FBXL17: variants seen among roughly 807,000 people sequenced by gnomAD.
FBXL17 encodes F-box and leucine rich repeat protein 17.
FBXL17 carries 22 observed loss-of-function variants against 66.2 expected under a neutral mutation model. The observed-to-expected ratio is 0.33, with a 90% CI of 0.24 to 0.47. The LOEUF is 0.47. FBXL17 is among the 20% of genes least tolerant of loss of function. FBXL17 has a pLI of 1.00. For missense variants in FBXL17, 878 were observed against 948.2 expected (o/e 0.93, Z 0.97); for synonymous variants, 474 against 400.5 (o/e 1.18, Z -2.19).
intron 4 of FBXL17, among the ~76,000 whole-genome samples, chr5:108,253,521 C>G (rs1426475734): frequency 1.3e-5 from 2 of 152,086 alleles, no homozygotes; most frequent in African/African-American, 4.8e-5. Context: ...ATATTCCTCT[C>G]TCTTCTTTGT....
chr5:108,370,147 T>C (rs1748929136), intron 1 of FBXL17, among the ~76,000 whole-genome samples: 2 of 152,138 alleles, frequency 1.3e-5, no homozygotes. Flanking sequence ...TGTGCAGGCA[T>C]GGGGAGAACA....
chr5:108,146,585 A>G (rs890776977), intron 6 of FBXL17, among the ~76,000 whole-genome samples: 1 of 152,212 alleles, frequency 6.6e-6, no homozygotes. Flanking sequence ...CAGTCTTTTG[A>G]GTTATAACAA....
chr5:108,115,335 G>A (rs1750202159), intron 6 of FBXL17, among the ~76,000 whole-genome samples: 3 of 152,054 alleles, frequency 2.0e-5, no homozygotes, highest in Admixed American at 2.0e-4. Flanking sequence ...TATGTAGGTA[G>A]GTTGAAGCTG....
intron 7 of FBXL17, among the ~76,000 whole-genome samples, chr5:107,948,012 G>A (rs1247117767): frequency 1.3e-5 from 2 of 151,926 alleles, no homozygotes; most frequent in Non-Finnish European, 2.9e-5. Flanking sequence ...GAAACCTAAA[G>A]GAACAAATGG....
chr5:108,226,169 T>G (rs556886983), intron 4 of FBXL17, among the ~76,000 whole-genome samples: 1 of 152,276 alleles, frequency 6.6e-6, no homozygotes, highest in East Asian at 1.9e-4. Flanking sequence ...CCTCTCAAAA[T>G]AACTCTTCCC....
At chr5:107,929,066 G>C (rs901276111) in intron 7 of FBXL17, among the ~76,000 whole-genome samples, 5 of 152,080 alleles carry the variant, frequency 3.3e-5, no homozygotes, top group Non-Finnish European at 7.4e-5. Flanking sequence ...AATAACACAA[G>C]GCAATGAAAG....
At chr5:107,999,028 C>A (rs573677495) in intron 7 of FBXL17, among the ~76,000 whole-genome samples, 2 of 152,180 alleles carry the variant, frequency 1.3e-5, no homozygotes, top group South Asian at 4.1e-4. Context: ...CCATTTCCCT[C>A]CAGGTCTGCT....
rs540860184 is a variant in FBXL17 at position 107,896,030 on chromosome 5, C to T, written c.1823-14851G>A. Among the ~76,000 whole-genome samples, 29 of 152,160 alleles carry T rather than the reference C, an allele frequency of 1.9e-4. No homozygotes were observed. The South Asian group carries it at 4.6e-3, about 24-fold the overall frequency. ...GGTCTGTCCATTGGATCCCTCTTCC[C>T]TGACATTTTTGGGGTGTGAAACTGG... On this transcript the variant is annotated intron_variant, in intron 7 of 8. Transcript: ENST00000542267.
intron 6 of FBXL17, among the ~76,000 whole-genome samples, chr5:108,143,136 G>A (rs1182503417): frequency 2.0e-5 from 3 of 151,672 alleles, no homozygotes; most frequent in African/African-American, 4.8e-5. Flanking sequence ...ACCGCTCCCC[G>A]ACCCCGAGTC....
At chr5:107,987,494 C>T (rs1753061986) in intron 7 of FBXL17, among the ~76,000 whole-genome samples, 1 of 151,962 alleles carries the variant, frequency 6.6e-6, no homozygotes, top group African/African-American at 2.4e-5. Flanking sequence ...CATGTGTGCA[C>T]TCCTTCCTAA....
chr5:108,241,247 C>A (rs1755842389), intron 4 of FBXL17, among the ~76,000 whole-genome samples: 1 of 152,092 alleles, frequency 6.6e-6, no homozygotes, highest in African/African-American at 2.4e-5. Flanking sequence ...CAATGAAATT[C>A]AAGATAACGC....
chr5:108,260,141 T>C (rs765752972), intron 4 of FBXL17, among the ~76,000 whole-genome samples: 6 of 152,050 alleles, frequency 3.9e-5, no homozygotes, highest in South Asian at 2.1e-4. Context: ...CTTATAAAGA[T>C]AGGTAAAGCA....
intron 5 of FBXL17, among the ~76,000 whole-genome samples, chr5:108,211,356 G>A (rs1228049413): frequency 1.3e-5 from 2 of 152,108 alleles, no homozygotes; most frequent in Admixed American, 6.5e-5. Flanking sequence ...GTGTGAATTC[G>A]ATCCTGTCAT....
rs1748048731 is a variant in FBXL17 at position 107,859,067 on chromosome 5, G to A, written c.*2653C>T. The stretch of plus-strand genomic sequence containing the variant: ...TCTCTTTTATTGCAACCCACTGCAA[G>A]GTCAAAGATTCACGGAAATATAGAA... On this transcript the variant is annotated 3_prime_UTR_variant, in exon 9 of 9. Coordinates refer to ENST00000542267, the MANE Select transcript of FBXL17 (RefSeq NM_001163315.3). 6.6e-6 allele frequency: 1 copy of A among 152,052 alleles called. No individual in the cohort carries two copies. The highest frequency in any genetic ancestry group is 2.1e-4 in the South Asian group (1 of 4,824). 9.4% of individuals were successfully genotyped at this position (152,052 alleles called of 1,614,324 possible).
chr5:108,137,761 C>T (rs1285400939), intron 6 of FBXL17, among the ~76,000 whole-genome samples: 1 of 152,150 alleles, frequency 6.6e-6, no homozygotes, highest in African/African-American at 2.4e-5. Context: ...ACCACCTACA[C>T]ATTTATTTCA....
chr5:107,864,065 T>C (rs964761425), intron 8 of FBXL17, among the ~76,000 whole-genome samples: 10 of 152,254 alleles, frequency 6.6e-5, no homozygotes, highest in African/African-American at 2.4e-4. Flanking sequence ...TCTTTAAGAC[T>C]TGGTTTTTCT....
chr5:108,019,155 G>C (rs967109187), intron 7 of FBXL17, among the ~76,000 whole-genome samples: 1 of 152,050 alleles, frequency 6.6e-6, no homozygotes, highest in Non-Finnish European at 1.5e-5. Flanking sequence ...ACGAGGTTAG[G>C]TACCAGATAC....
chr5:108,131,600 T>C (rs1283074567), intron 6 of FBXL17, among the ~76,000 whole-genome samples: 1 of 152,190 alleles, frequency 6.6e-6, no homozygotes, highest in Non-Finnish European at 1.5e-5. Context: ...TATTCCCTTA[T>C]ATTCTCAGAG....
chr5:107,936,399 A>G (rs1174549882), intron 7 of FBXL17, among the ~76,000 whole-genome samples: 1 of 152,074 alleles, frequency 6.6e-6, no homozygotes, highest in East Asian at 1.9e-4. Context: ...AATGGGGTCA[A>G]AAATGCTTGC....
Sources: allele counts gnomAD v4.1 joint callset (sites outside exome capture counted in the v4.1 genomes callset), GRCh38; gene constraint gnomAD v4.1.1; transcripts MANE v1.5; gene names NCBI Gene and HGNC (gene_info 2026-07-23, HGNC 2026-07-21).